The following DGKI variants were observed in gnomAD, a reference collection of about 807,000 sequenced individuals.
DGKI encodes the protein diacylglycerol kinase iota, also known as DAG kinase iota.
Under a neutral mutation model 147.5 loss-of-function variants are expected in DGKI, and 55 were observed. That is an observed-to-expected ratio of 0.37 (90% confidence interval 0.30 to 0.47). The LOEUF (loss-of-function observed/expected upper bound fraction) is 0.47, where lower values mean the gene tolerates loss of function less well. Among genes scored for constraint, DGKI ranks in the 20% least tolerant of loss-of-function variants. DGKI has a pLI of 1.00. For synonymous variants in DGKI, 469 were observed against 477.1 expected (o/e 0.98, Z 0.22); for missense variants, 1,007 against 1,323.8 (o/e 0.76, Z 3.71).
At chr7:137,560,237 A>C (rs1164624217) in intron 19 of DGKI, among the ~76,000 whole-genome samples, 2 of 152,306 alleles carry the variant, frequency 1.3e-5, no homozygotes, top group East Asian at 3.9e-4. Flanking sequence ...GAGGCCAGTG[A>C]AGATAAAAAC....
Position 137,465,915 on chromosome 7 carries a change from C to T in DGKI, c.2605G>A (p.Ala869Thr). ...PGMPDLVVEQ[A>T]SGISDWWNPA... ...CAGGAGAAGCACACTCACCCCGAGG[C>T]TTGTTCCACCACCAGGTCAGGCATG... The change falls in exon 26 of 33, where the codon GCC becomes ACC. Residue 869 changes from alanine (A) to threonine (T), a missense_variant. Coordinates refer to ENST00000614521, the MANE Select transcript of DGKI (RefSeq NM_001321708.2). 1 of 1,613,890 alleles carries T rather than the reference C, an allele frequency of 6.2e-7. No homozygotes were observed. The highest frequency in any genetic ancestry group is 1.3e-5 in the African/African-American group (1 of 75,038).
intron 22 of DGKI, 46 bp from the exon 23 acceptor site, chr7:137,485,464 G>C (rs1027174675): frequency 1.4e-6 from 2 of 1,458,310 alleles, no homozygotes; most frequent in Non-Finnish European, 1.9e-6. Flanking sequence ...AAATTAGTTT[G>C]AACAAGCTGC....
At chr7:137,463,331 A>G (rs1032500262) in intron 27 of DGKI, among the ~76,000 whole-genome samples, 158 bp downstream of exon 27, 1 of 152,212 alleles carries the variant, frequency 6.6e-6, no homozygotes, top group African/African-American at 2.4e-5. Context: ...GATAAATATG[A>G]GCAAGGTGCA....
intron 8 of DGKI, among the ~76,000 whole-genome samples, chr7:137,617,285 T>C (rs1723112): frequency 6.6e-6 from 1 of 152,164 alleles, no homozygotes; most frequent in East Asian, 1.9e-4. Context: ...ATGGGTAAAG[T>C]GACCCAATTT....
At chr7:137,591,834 G>A (rs1451206018) in intron 12 of DGKI, among the ~76,000 whole-genome samples, 1 of 152,128 alleles carries the variant, frequency 6.6e-6, no homozygotes, top group Non-Finnish European at 1.5e-5. Context: ...TTTCCTAGAA[G>A]AAAAATGCCC....
rs1407049769 is a variant in DGKI, at chr7:137,410,148, G to A, written c.2799+2022C>T. Among the ~76,000 whole-genome samples the A allele has an allele frequency of 3.3e-5, 5 of 152,150 alleles. No individual in the cohort carries two copies. In the East Asian group the frequency reaches 9.6e-4, roughly 29 times the overall value. ...TGGCCAGGTGCGGTGGCTCACATCT[G>A]TAATCCCAGTACTTCAGGAGGCCAA... On this transcript the variant is annotated intron_variant, in intron 29 of 32. Transcript: ENST00000614521.
intron 1 of DGKI, among the ~76,000 whole-genome samples, chr7:137,693,750 C>A (rs964742789): frequency 1.3e-5 from 2 of 152,164 alleles, no homozygotes; most frequent in African/African-American, 4.8e-5. Flanking sequence ...GTTGAGAAAT[C>A]TGATTAGGAT....
chr7:137,628,676 T>C (rs144369398), intron 6 of DGKI, among the ~76,000 whole-genome samples: 32 of 152,292 alleles, frequency 2.1e-4, no homozygotes, highest in African/African-American at 7.7e-4. Flanking sequence ...GCCAGATGCT[T>C]TGGATCCAAC....
At chr7:137,824,660 A>C (rs1449418826) in intron 1 of DGKI, among the ~76,000 whole-genome samples, 1 of 152,116 alleles carries the variant, frequency 6.6e-6, no homozygotes, top group African/African-American at 2.4e-5. Flanking sequence ...TTTCTCACCC[A>C]GGTATTAAGC....
At chr7:137,775,966 C>A (rs909690740) in intron 1 of DGKI, among the ~76,000 whole-genome samples, 2 of 151,862 alleles carry the variant, frequency 1.3e-5, no homozygotes, top group Non-Finnish European at 2.9e-5. Context: ...TCAAGCGATT[C>A]TCCTGCTTCA....
intron 1 of DGKI, among the ~76,000 whole-genome samples, chr7:137,754,513 G>A (rs994933400): frequency 2.0e-5 from 3 of 152,156 alleles, no homozygotes; most frequent in Non-Finnish European, 4.4e-5. Context: ...AGCAAGGGAC[G>A]TTTGTTTTAC....
Position 137,509,151 on chromosome 7 carries a change from G to A in DGKI, c.2248+12715C>T, listed in dbSNP as rs376585453. ...TGGATGACAATAATCAGATACAATG[G>A]GTTGGCAATTGACCAACCTCCCCAC... On this transcript the variant is annotated intron_variant, in intron 21 of 32. Transcript: ENST00000614521. Among the ~76,000 whole-genome samples, 12 of 152,224 alleles carry A rather than the reference G, an allele frequency of 7.9e-5. No homozygotes were observed. The East Asian group carries it at 1.5e-3, about 20-fold the overall frequency.
At chr7:137,799,451 C>G (rs766685762) in intron 1 of DGKI, among the ~76,000 whole-genome samples, 1 of 152,036 alleles carries the variant, frequency 6.6e-6, no homozygotes, top group African/African-American at 2.4e-5. Context: ...TGTGAACACA[C>G]TAAAATATAC....
At chr7:137,592,617 C>T (rs1405098178) in intron 12 of DGKI, among the ~76,000 whole-genome samples, 3 of 152,192 alleles carry the variant, frequency 2.0e-5, no homozygotes, top group South Asian at 4.1e-4. Context: ...ATGCACGTTG[C>T]GCTGCCTTGT....
At chr7:137,826,623 TG>T (rs1341479649) in intron 1 of DGKI, among the ~76,000 whole-genome samples, 1 of 152,192 alleles carries the variant, frequency 6.6e-6, no homozygotes, top group Middle Eastern at 3.2e-3. Context: ...CCTATTAATT[TG>T]TTCAATGATT....
chr7:137,772,922 T>G (rs1322804167), intron 1 of DGKI, among the ~76,000 whole-genome samples: 2 of 152,028 alleles, frequency 1.3e-5, no homozygotes, highest in Non-Finnish European at 1.5e-5. Context: ...CACTAGACAA[T>G]GGGGGTGGAG....
chr7:137,836,755 C>T (rs377015350), intron 1 of DGKI, among the ~76,000 whole-genome samples: 2 of 152,198 alleles, frequency 1.3e-5, no homozygotes, highest in East Asian at 3.8e-4. Context: ...AAAGCTCAAT[C>T]TTGGCCTCCC....
chr7:137,657,596 G>C (rs903422527), intron 3 of DGKI, among the ~76,000 whole-genome samples: 5 of 152,132 alleles, frequency 3.3e-5, no homozygotes, highest in Non-Finnish European at 7.4e-5. Flanking sequence ...TTCTGTGTTT[G>C]AGCCTGAAAG....
intron 27 of DGKI, among the ~76,000 whole-genome samples, chr7:137,455,636 A>AT (rs144875549): frequency 2.2e-3 from 58 of 26,316 alleles, no homozygotes; most frequent in African/African-American, 3.8e-3. Context: ...AGTTAAAAAA[A>AT]AAAGGGGGGG....
Sources: gnomAD v4.1 joint callset for allele counts (sites outside exome capture counted in the v4.1 genomes callset) on GRCh38, gnomAD v4.1.1 for gene constraint, MANE v1.5 for transcripts, NCBI Gene and HGNC (gene_info 2026-07-23, HGNC 2026-07-21) for gene names.